C7: variants seen among roughly 807,000 people sequenced by gnomAD.
C7 encodes the protein complement C7.
In C7, 83 loss-of-function variants were observed where a neutral mutation model predicts 104.8. The observed-to-expected ratio is 0.79, with a 90% confidence interval of 0.66 to 0.95. C7 has a LOEUF of 0.95. C7 is among the 40% of genes least tolerant of loss of function. The pLI, the probability that C7 is intolerant of heterozygous loss-of-function variation, is 0.00. For synonymous variants in C7, 415 were observed against 360.6 expected (o/e 1.15, Z -1.71); for missense variants, 1,070 against 1,011.2 (o/e 1.06, Z -0.79).
chr5:40,949,476 T>G lies in C7; in HGVS notation c.983-428T>G, dbSNP rs573069214. 1.1e-4 allele frequency among the ~76,000 whole-genome samples: 16 copies of G among 152,116 alleles called. No homozygotes were observed. The Middle Eastern group carries it at 0.01, about 97-fold the overall frequency. On this transcript the variant is annotated intron_variant, in intron 8 of 17. Transcript: ENST00000313164. Reference sequence around the variant, plus strand: ...GTCACAGATGTTAAAGATGGAGAGATTGAACCAGTAGAACTTGAATTTTAG... The same window carrying G: ...GTCACAGATGTTAAAGATGGAGAGAGTGAACCAGTAGAACTTGAATTTTAG...
intron 7 of C7, among the ~76,000 whole-genome samples, chr5:40,946,714 CT>C (rs1740057409): frequency 6.6e-6 from 1 of 152,022 alleles, no homozygotes; most frequent in Non-Finnish European, 1.5e-5. Context: ...TAGATTAATT[CT>C]CTTTTTCTAG....
At chr5:40,927,451 A>G (rs925474683) in intron 1 of C7, among the ~76,000 whole-genome samples, 1 of 152,122 alleles carries the variant, frequency 6.6e-6, no homozygotes, top group Admixed American at 6.5e-5. Flanking sequence ...ATCAGTTTTC[A>G]GAGATGTACA....
intron 9 of C7, among the ~76,000 whole-genome samples, chr5:40,954,082 C>T (rs1211561641): frequency 6.6e-6 from 1 of 152,110 alleles, no homozygotes; most frequent in East Asian, 1.9e-4. Flanking sequence ...TTATGAGGCA[C>T]ATAAATGGAA....
At chr5:40,952,091 T>C (rs1481400530) in intron 9 of C7, among the ~76,000 whole-genome samples, 1 of 152,360 alleles carries the variant, frequency 6.6e-6, no homozygotes, top group South Asian at 2.1e-4. Flanking sequence ...CAGTCTTCAG[T>C]TGGGCTGGCA....
At chr5:40,962,539 C>G (rs1740445232) in intron 13 of C7, among the ~76,000 whole-genome samples, 1 of 151,410 alleles carries the variant, frequency 6.6e-6, no homozygotes, top group Non-Finnish European at 1.5e-5. Context: ...TTTTTTTTTT[C>G]CCCCTCATAA....
chr5:40,962,250 T>C, intron 13 of C7, 78 bp downstream of exon 13: 1 of 831,270 alleles, frequency 1.2e-6, no homozygotes, highest in Admixed American at 2.8e-5. Flanking sequence ...CCTATTTTCT[T>C]CCTCCATGGT....
chr5:40,963,211 A>C (rs892404833), intron 13 of C7, among the ~76,000 whole-genome samples: 12 of 152,184 alleles, frequency 7.9e-5, no homozygotes, highest in Non-Finnish European at 1.8e-4. Flanking sequence ...GACTGGCTGC[A>C]TCCGAATGAC....
rs1227178107 is a variant in C7, at chr5:40,930,063, C to G, written c.63-1001C>G. Reference sequence around the variant, plus strand: ...ACCTACCCTCTTAACTCAAACTCTCCCTTATCTATATTCCCATAACACATT... The same window carrying G: ...ACCTACCCTCTTAACTCAAACTCTCGCTTATCTATATTCCCATAACACATT... On this transcript the variant is annotated intron_variant, in intron 2 of 17. Coordinates refer to ENST00000313164, the MANE Select transcript of C7 (RefSeq NM_000587.4). 2.0e-5 allele frequency among the ~76,000 whole-genome samples: 3 copies of G among 152,094 alleles called. No individual in the cohort carries two copies. In the East Asian group the frequency reaches 5.8e-4, roughly 29 times the overall value.
At chr5:40,981,254 C>A in intron 17 of C7, 138 bp from the exon 18 acceptor site, 1 of 829,210 alleles carries the variant, frequency 1.2e-6, no homozygotes, top group Non-Finnish European at 1.9e-6. Context: ...TACTGCTTTT[C>A]CAGGGGATAA....
intron 15 of C7, 197 bp from the exon 16 acceptor site, chr5:40,976,553 T>G: frequency 2.5e-6 from 1 of 394,384 alleles, no homozygotes; most frequent in Non-Finnish European, 4.5e-6. Flanking sequence ...ACCAATGCAG[T>G]TATTTGTAAT....
Position 40,964,830 on chromosome 5 carries a change from TG to T in C7, c.1841del (p.Gly614GlufsTer23). ...SLIGNPVARC[G>X]EDLRWLVGEM... ...TTATTGGAAACCCAGTGGCCAGATG[TG>T]GAGAAGATTTACGGTGGCTTGTTGG... On this transcript the variant is annotated frameshift_variant, in exon 14 of 18. Transcript: ENST00000313164. LOFTEE classifies it high-confidence loss of function. The T allele has an allele frequency of 6.2e-7, 1 of 1,613,834 alleles. No individual in the cohort carries two copies. The highest frequency in any genetic ancestry group is 8.5e-7 in the Non-Finnish European group (1 of 1,179,768).
chr5:40,968,799 A>T (rs892236940), intron 14 of C7, among the ~76,000 whole-genome samples: 1 of 150,754 alleles, frequency 6.6e-6, no homozygotes, highest in Non-Finnish European at 1.5e-5. Flanking sequence ...TTTAGTAGAG[A>T]CGGGGTTTCA....
At chr5:40,939,980 T>C (rs538101303) in intron 6 of C7, among the ~76,000 whole-genome samples, 2 of 152,266 alleles carry the variant, frequency 1.3e-5, no homozygotes, top group African/African-American at 4.8e-5. Context: ...GGAACAGAGA[T>C]GTTTTGAGGA....
chr5:40,944,044 A>T (rs955567890), intron 6 of C7, among the ~76,000 whole-genome samples: 10 of 150,800 alleles, frequency 6.6e-5, no homozygotes, highest in South Asian at 2.2e-4. Flanking sequence ...CACAAGCATC[A>T]TTTAGTATGA....
At chr5:40,950,433 C>T (rs1165735052) in intron 9 of C7, among the ~76,000 whole-genome samples, 5 of 152,116 alleles carry the variant, frequency 3.3e-5, no homozygotes, top group African/African-American at 1.2e-4. Flanking sequence ...ATGCACCACA[C>T]TTTATCCAGT....
intron 11 of C7, among the ~76,000 whole-genome samples, chr5:40,959,002 C>G (rs114660388): frequency 6.6e-6 from 1 of 152,258 alleles, no homozygotes; most frequent in African/African-American, 2.4e-5. Context: ...CTAAATGTCT[C>G]TCCAAGTGGC....
intron 10 of C7, among the ~76,000 whole-genome samples, chr5:40,957,757 GGTTTTTTTTT>G (rs1740324375): frequency 1.0e-5 from 1 of 98,134 alleles, no homozygotes. Context: ...CGCCTGGGCT[GGTTTTTTTTT>G]GTTTTTTTTT....
chr5:40,973,516 A>G (rs1740746258), intron 15 of C7, among the ~76,000 whole-genome samples: 1 of 152,232 alleles, frequency 6.6e-6, no homozygotes, highest in South Asian at 2.1e-4. Context: ...TGGAGCACTC[A>G]GATACTGATG....
At chr5:40,975,525 G>A (rs911302130) in intron 15 of C7, among the ~76,000 whole-genome samples, 8 of 151,830 alleles carry the variant, frequency 5.3e-5, no homozygotes, top group East Asian at 1.9e-4. Context: ...CACCATGCCC[G>A]GCTAATTTTT....
Sources: allele counts gnomAD v4.1 joint callset (sites outside exome capture counted in the v4.1 genomes callset), GRCh38; gene constraint gnomAD v4.1.1; transcripts MANE v1.5; gene names NCBI Gene and HGNC (gene_info 2026-07-23, HGNC 2026-07-21).